Variants in CAP2 observed in about 807,000 individuals in gnomAD.
The protein encoded by CAP2 is cyclase associated actin cytoskeleton regulatory protein 2.
Under a neutral mutation model 57.7 loss-of-function variants are expected in CAP2, and 24 were observed. The ratio of observed to expected loss-of-function variants is 0.42; its 90% confidence interval spans 0.30 to 0.58. The LOEUF (loss-of-function observed/expected upper bound fraction) is 0.58, where lower values mean the gene tolerates loss of function less well. Among genes scored for constraint, CAP2 ranks in the 20% least tolerant of loss-of-function variants. CAP2 has a pLI of 0.22. For synonymous variants in CAP2, 194 were observed against 207.2 expected, an observed-to-expected ratio of 0.94 and a Z score of 0.55; for missense variants, 501 against 590.3, an observed-to-expected ratio of 0.85 and a Z score of 1.57.
At chr6:17,411,078 G>A (rs1759132341) in intron 1 of CAP2, among the ~76,000 whole-genome samples, 1 of 152,124 alleles carries the variant, frequency 6.6e-6, no homozygotes, top group African/African-American at 2.4e-5. Context: ...TTCATTTAGT[G>A]TAATGCTTTT....
chr6:17,525,586 C>A (rs915770268), intron 7 of CAP2, among the ~76,000 whole-genome samples: 1 of 152,176 alleles, frequency 6.6e-6, no homozygotes, highest in Admixed American at 6.6e-5. Flanking sequence ...TTATACTCTC[C>A]ATTTCTTTTG....
chr6:17,512,033 TAA>T (rs764283840), intron 6 of CAP2, among the ~76,000 whole-genome samples: 2 of 144,276 alleles, frequency 1.4e-5, no homozygotes, highest in African/African-American at 2.5e-5. Flanking sequence ...CTGCATTGGT[TAA>T]AAAAAAAAAA....
At chr6:17,456,536 T>C (rs1208254855) in intron 3 of CAP2, among the ~76,000 whole-genome samples, 1 of 152,122 alleles carries the variant, frequency 6.6e-6, no homozygotes, top group Non-Finnish European at 1.5e-5. Flanking sequence ...TAGAGGACCC[T>C]AAACAACAAA....
At chr6:17,541,186 C>A in intron 9 of CAP2, 38 bp downstream of exon 9, 1 of 1,523,408 alleles carries the variant, frequency 6.6e-7, no homozygotes, top group South Asian at 1.2e-5. Flanking sequence ...TCCTGACATG[C>A]GCCAATGAAA....
At chr6:17,491,922 G>A (rs1761551391) in intron 4 of CAP2, among the ~76,000 whole-genome samples, 1 of 152,200 alleles carries the variant, frequency 6.6e-6, no homozygotes, top group Admixed American at 6.5e-5. Flanking sequence ...TCATCCCACA[G>A]GACTCTCAGA....
chr6:17,541,043 T>G lies in CAP2; in HGVS notation c.897T>G (p.Thr299=), dbSNP rs377245892. The stretch of plus-strand genomic sequence containing the variant: ...GCCTGCGGGCTCAAGGAGGGCAAAC[T>G]CAATCTCCCACCAAAAGTCACACTC... ...NPSLRAQGGQ[T]QSPTKSHTPS... is the part of the protein sequence containing the mutation. The change falls in exon 9 of 13, where the codon ACT becomes ACG. Residue 299 remains threonine (T), a synonymous_variant. Coordinates refer to ENST00000229922, the MANE Select transcript of CAP2 (RefSeq NM_006366.3). 3.2e-5 allele frequency: 52 copies of G among 1,613,930 alleles called. No homozygotes were observed. The highest frequency in any genetic ancestry group is 4.2e-5 in the Non-Finnish European group (49 of 1,179,934).
intron 12 of CAP2, 21 bp from the exon 13 acceptor site, chr6:17,556,338 G>T (rs768736782): frequency 6.4e-7 from 1 of 1,554,482 alleles, no homozygotes; most frequent in East Asian, 2.2e-5. Context: ...AAATAACTTT[G>T]TTGTTCTTGC....
intron 2 of CAP2, among the ~76,000 whole-genome samples, chr6:17,425,371 T>G (rs1359428998): frequency 6.6e-6 from 1 of 152,214 alleles, no homozygotes; most frequent in Non-Finnish European, 1.5e-5. Flanking sequence ...CCAACAGGTA[T>G]GGGCTCAGCA....
In CAP2 at chr6:17,507,625, G is replaced by C. The variant is rs1233639436; in HGVS notation, c.445-16G>C. ...TTTTTTCCTTCTATGCTTGGGTGAC[G>C]GTCCTGTTTTCTCAGTCTCCCAAAC... is the stretch of plus-strand genomic sequence containing the variant. On this transcript the variant is annotated splice_polypyrimidine_tract_variant and intron_variant, in intron 5 of 12. Coordinates refer to ENST00000229922, the MANE Select transcript of CAP2 (RefSeq NM_006366.3). The C allele has an allele frequency of 2.7e-6, 4 of 1,483,838 alleles. No individual in the cohort carries two copies. The highest frequency in any genetic ancestry group is 3.8e-6 in the Non-Finnish European group (4 of 1,063,292). 91.9% of individuals were successfully genotyped at this position (1,483,838 alleles called of 1,614,324 possible). A position where few individuals can be genotyped will look rare whatever the true frequency, so the allele number is the denominator to read the frequency against.
chr6:17,440,827 C>A (rs1016522717), intron 3 of CAP2, among the ~76,000 whole-genome samples: 3 of 151,290 alleles, frequency 2.0e-5, no homozygotes, highest in South Asian at 2.1e-4. Flanking sequence ...CACATCCCCC[C>A]ACCCCATGAC....
chr6:17,474,343 A>C (rs1430605942), intron 4 of CAP2, among the ~76,000 whole-genome samples: 1 of 151,540 alleles, frequency 6.6e-6, no homozygotes, highest in East Asian at 1.9e-4. Flanking sequence ...TGGGCATGTC[A>C]GGTTTTGGTT....
chr6:17,484,516 G>A (rs549863960), intron 4 of CAP2, among the ~76,000 whole-genome samples: 1 of 152,272 alleles, frequency 6.6e-6, no homozygotes, highest in South Asian at 2.1e-4. Context: ...CAGCTGACAG[G>A]ATAAATATCA....
chr6:17,524,818 C>T (rs369717297), intron 7 of CAP2, among the ~76,000 whole-genome samples: 1 of 151,950 alleles, frequency 6.6e-6, no homozygotes, highest in Non-Finnish European at 1.5e-5. Flanking sequence ...AAGTCCTGCC[C>T]AGCCCCAGTC....
chr6:17,416,167 T>TTTTTTTTTTTTTTTTTTTTTTGAG (rs1290905490), intron 1 of CAP2, among the ~76,000 whole-genome samples: 1 of 151,080 alleles, frequency 6.6e-6, no homozygotes, highest in South Asian at 2.1e-4. Context: ...AAAACTCTTT[T>TTTTTTTTTTTTTTTTTTTTTTGAG]AAACATGTTG....
At chr6:17,427,423 C>G (rs1759622161) in intron 3 of CAP2, among the ~76,000 whole-genome samples, 1 of 152,108 alleles carries the variant, frequency 6.6e-6, no homozygotes, top group Non-Finnish European at 1.5e-5. Flanking sequence ...CAGTCACCAG[C>G]CACCCTTCTT....
chr6:17,514,359 T>C (rs1204684855), intron 7 of CAP2, among the ~76,000 whole-genome samples: 2 of 151,868 alleles, frequency 1.3e-5, no homozygotes, highest in Admixed American at 1.3e-4. Flanking sequence ...CAAAACTCTG[T>C]CCAAAAAAAG....
chr6:17,482,591 T>G (rs1002584818), intron 4 of CAP2, among the ~76,000 whole-genome samples: 1 of 150,000 alleles, frequency 6.7e-6, no homozygotes, highest in Non-Finnish European at 1.5e-5. Context: ...GGGAAGAATC[T>G]CTTCTGAGAC....
chr6:17,485,390 C>G (rs920095452), intron 4 of CAP2, among the ~76,000 whole-genome samples: 3 of 152,176 alleles, frequency 2.0e-5, no homozygotes, highest in Non-Finnish European at 4.4e-5. Flanking sequence ...TGGGCTTTTT[C>G]CAGCCTGGGG....
rs752046741 is a variant in CAP2, at chr6:17,472,333, CA to C, written c.300+9280del. ...TGGGCGACAGAGCGAGACTCCGTCT[CA>C]AAAAAAAAAAAAAAAAAAATAGTGC... On this transcript the variant is annotated intron_variant, in intron 4 of 12. Coordinates refer to ENST00000229922, the MANE Select transcript of CAP2 (RefSeq NM_006366.3). Among the ~76,000 whole-genome samples the C allele has an allele frequency of 2.6e-3, 263 of 102,408 alleles. 34 individuals carry two copies. The highest frequency in any genetic ancestry group is 9.8e-3 in the Middle Eastern group (2 of 204). 67.2% of individuals were successfully genotyped at this position (102,408 alleles called of 152,430 possible). A position where few individuals can be genotyped will look rare whatever the true frequency, so the allele number is the denominator to read the frequency against.
Sources: allele counts gnomAD v4.1 joint callset (sites outside exome capture counted in the v4.1 genomes callset), GRCh38; gene constraint gnomAD v4.1.1; transcripts MANE v1.5; gene names NCBI Gene and HGNC (gene_info 2026-07-23, HGNC 2026-07-21).